Variants in SLC35D4 observed in about 807,000 individuals in gnomAD.
SLC35D4 encodes the protein UDP-N-acetylglucosamine transporter SLC35D4.
chr18:23,326,492 GA>G, the SLC35D4 span, among the ~76,000 whole-genome samples: 31 of 152,314 alleles, frequency 2.0e-4, no homozygotes, highest in African/African-American at 7.0e-4. Flanking sequence ...AATTCAACAA[GA>G]AGAGCTAACT....
the SLC35D4 span, among the ~76,000 whole-genome samples, chr18:23,283,677 C>T: frequency 3.2e-4 from 48 of 150,586 alleles, no homozygotes; most frequent in African/African-American, 1.1e-3. Flanking sequence ...GGTGTGGTGG[C>T]GCATGCCTGT....
At chr18:23,374,972 A>G in the SLC35D4 span, among the ~76,000 whole-genome samples, 10 of 151,938 alleles carry the variant, frequency 6.6e-5, no homozygotes, top group African/African-American at 2.2e-4. Context: ...AAAATTAGCC[A>G]GGCGTGGTGG....
chr18:23,393,002 G>A, the SLC35D4 span, among the ~76,000 whole-genome samples: 2 of 151,980 alleles, frequency 1.3e-5, no homozygotes, highest in African/African-American at 2.4e-5. Context: ...TGCAACCTCC[G>A]CCTCCCGGGT....
At chr18:23,344,632 C>T in the SLC35D4 span, among the ~76,000 whole-genome samples, 581 of 143,160 alleles carry the variant, frequency 4.1e-3, 3 homozygotes, top group Admixed American at 5.2e-3. Flanking sequence ...GACAGAGTCT[C>T]GCTCTGTCGC....
chr18:23,243,708 T>C, the SLC35D4 span, among the ~76,000 whole-genome samples: 3 of 151,748 alleles, frequency 2.0e-5, no homozygotes, highest in African/African-American at 7.3e-5. Flanking sequence ...CCGTCTCTAC[T>C]AAAAAATACA....
At chr18:23,352,158 C>G in the SLC35D4 span, 4 of 1,558,496 alleles carry the variant, frequency 2.6e-6, no homozygotes, top group Non-Finnish European at 3.5e-6. Context: ...GATACACAGG[C>G]TCTTGAGAGA....
chr18:23,363,972 G>A, the SLC35D4 span, among the ~76,000 whole-genome samples: 339 of 152,282 alleles, frequency 2.2e-3, no homozygotes, highest in African/African-American at 7.4e-3. Flanking sequence ...GCTTTCATAT[G>A]GCAAGCGGAG....
the SLC35D4 span, among the ~76,000 whole-genome samples, chr18:23,263,398 G>A: frequency 6.6e-5 from 10 of 152,192 alleles, no homozygotes; most frequent in African/African-American, 1.2e-4. Flanking sequence ...CCATAGCATC[G>A]TCTTCTTGGG....
At chr18:23,436,788 A>T in the SLC35D4 span, among the ~76,000 whole-genome samples, 1 of 152,110 alleles carries the variant, frequency 6.6e-6, no homozygotes, top group Non-Finnish European at 1.5e-5. Context: ...GCGAGACTCT[A>T]TCTCAAAAAA....
chr18:23,336,313 T>C, the SLC35D4 span, among the ~76,000 whole-genome samples: 1 of 152,210 alleles, frequency 6.6e-6, no homozygotes, highest in Non-Finnish European at 1.5e-5. Flanking sequence ...CCACTTCATG[T>C]TCCTGTCGCC....
At chr18:23,276,027 C>T in the SLC35D4 span, among the ~76,000 whole-genome samples, 9 of 152,050 alleles carry the variant, frequency 5.9e-5, no homozygotes, top group Non-Finnish European at 1.3e-4. Context: ...GTGGTGATGG[C>T]TGCACAACAC....
the SLC35D4 span, among the ~76,000 whole-genome samples, chr18:23,381,977 T>C: frequency 6.6e-6 from 1 of 152,142 alleles, no homozygotes; most frequent in Non-Finnish European, 1.5e-5. Flanking sequence ...CAGTGGCTCA[T>C]GCCTGTAATC....
At chr18:23,368,860 T>A in the SLC35D4 span, 1 of 696,692 alleles carries the variant, frequency 1.4e-6, no homozygotes, top group South Asian at 2.3e-5. Flanking sequence ...ACTACTTTTA[T>A]AAATTATCCA....
the SLC35D4 span, chr18:23,257,730 T>C: frequency 5.3e-6 from 1 of 188,656 alleles, no homozygotes; most frequent in African/African-American, 2.3e-5. Flanking sequence ...ACTTGGAGTG[T>C]GAAGGGCTTG....
chr18:23,320,592 G>A, the SLC35D4 span, among the ~76,000 whole-genome samples: 1 of 152,180 alleles, frequency 6.6e-6, no homozygotes, highest in African/African-American at 2.4e-5. Context: ...AGCTCCAGAG[G>A]ATAGCTTCTA....
chr18:23,336,975 T>C, the SLC35D4 span, among the ~76,000 whole-genome samples: 24 of 152,100 alleles, frequency 1.6e-4, no homozygotes, highest in African/African-American at 5.3e-4. Flanking sequence ...ATGGGCTTTG[T>C]AAACATACTT....
the SLC35D4 span, among the ~76,000 whole-genome samples, chr18:23,267,901 T>C: frequency 6.6e-6 from 1 of 152,114 alleles, no homozygotes; most frequent in African/African-American, 2.4e-5. Flanking sequence ...CAACATCCCA[T>C]GGTTTCAATT....
the SLC35D4 span, among the ~76,000 whole-genome samples, chr18:23,264,393 C>T: frequency 1.5e-5 from 2 of 137,240 alleles, no homozygotes; most frequent in East Asian, 2.2e-4. Context: ...GACGGAGTCT[C>T]GCCCTATCAC....
the SLC35D4 span, among the ~76,000 whole-genome samples, chr18:23,302,224 A>G: frequency 1.3e-5 from 2 of 152,304 alleles, no homozygotes; most frequent in East Asian, 3.9e-4. Context: ...GGATGGGAGG[A>G]GCAGCTGAGG....
Sources: allele counts gnomAD v4.1 joint callset (sites outside exome capture counted in the v4.1 genomes callset), GRCh38; gene constraint gnomAD v4.1.1; transcripts MANE v1.5; gene names NCBI Gene and HGNC (gene_info 2026-07-23, HGNC 2026-07-21).